BRWD1: variants seen among roughly 807,000 people sequenced by gnomAD.
BRWD1 encodes the protein bromodomain and WD repeat-containing protein 1.
In BRWD1, 82 loss-of-function variants were observed where a neutral mutation model predicts 251.2. That is an observed-to-expected ratio of 0.33 (90% CI 0.27 to 0.39). The LOEUF is 0.39. Ranked by LOEUF, BRWD1 falls within the 10% of genes least tolerant of loss-of-function variation. The probability of loss-of-function intolerance (pLI) is 1.00; values close to 1 mark genes in which losing one functional copy is unlikely to be tolerated. For missense variants in BRWD1, 2,233 were observed against 2,711.6 expected (o/e 0.82, Z 3.92); for synonymous variants, 918 against 902.8 (o/e 1.02, Z -0.30).
intron 13 of BRWD1, among the ~76,000 whole-genome samples, chr21:39,271,170 T>C (rs890872062): frequency 6.6e-6 from 1 of 151,988 alleles, no homozygotes; most frequent in African/African-American, 2.4e-5. Flanking sequence ...CACACACCTG[T>C]ATTCCCAGCT....
intron 38 of BRWD1, among the ~76,000 whole-genome samples, chr21:39,201,564 A>C (rs1403004678): frequency 2.0e-5 from 3 of 152,174 alleles, no homozygotes; most frequent in African/African-American, 7.2e-5. Context: ...GCATTTTCTC[A>C]TAGTTGCTAC....
chr21:39,304,553 G>A (rs2036224317), intron 4 of BRWD1, among the ~76,000 whole-genome samples: 1 of 152,012 alleles, frequency 6.6e-6, no homozygotes, highest in African/African-American at 2.4e-5. Context: ...GGTCAAAGCT[G>A]CAGTGTGCCA....
intron 19 of BRWD1, among the ~76,000 whole-genome samples, chr21:39,251,436 TC>T (rs1418308185): frequency 4.6e-5 from 7 of 152,134 alleles, no homozygotes; most frequent in African/African-American, 1.7e-4. Flanking sequence ...AGACTGACTG[TC>T]CCTTTTCTCC....
chr21:39,312,948 G>GTC, intron 3 of BRWD1, 48 bp from the exon 4 acceptor site: 5 of 326,296 alleles, frequency 1.5e-5, no homozygotes, highest in Non-Finnish European at 1.9e-5. Flanking sequence ...CCGGCGCGGG[G>GTC]GGGGCGGGGG....
At position 39,188,329 on chromosome 21, in the gene BRWD1, C is replaced by T; in HGVS notation, c.*7930G>A. The T allele has an allele frequency of 1.0e-6, 1 of 985,306 alleles. No homozygotes were observed. Among genetic ancestry groups the T allele is most frequent in the Non-Finnish European group, 1.2e-6 (1 of 829,892 alleles). The allele number at this position is 985,306 out of a possible 1,614,324, so 61.0% of individuals were successfully genotyped here. Reference sequence around the variant, plus strand: ...TTTTGTAGGACCCTGCCTGAAGTTTCCAGACATTTAGCATTCAAAAGGTAA... The same window carrying T: ...TTTTGTAGGACCCTGCCTGAAGTTTTCAGACATTTAGCATTCAAAAGGTAA... On this transcript the variant is annotated 3_prime_UTR_variant, in exon 41 of 41. Coordinates refer to ENST00000342449, the MANE Select transcript of BRWD1 (RefSeq NM_033656.4).
At chr21:39,307,276 T>C (rs1228994185) in intron 4 of BRWD1, among the ~76,000 whole-genome samples, 1 of 152,198 alleles carries the variant, frequency 6.6e-6, no homozygotes, top group African/African-American at 2.4e-5. Flanking sequence ...AGGGTTAACT[T>C]AGACAAACCT....
chr21:39,184,245 G>C (rs1383229112), downstream of BRWD1: 1 of 152,218 alleles, frequency 6.6e-6, no homozygotes, highest in Non-Finnish European at 1.5e-5. Context: ...TGATTGTCAA[G>C]GCGATTTAAA....
At position 39,196,428 on chromosome 21, in the gene BRWD1, C is replaced by T. The variant is rs2031816875; in HGVS notation, c.6641G>A (p.Ser2214Asn). The T allele has an allele frequency of 6.2e-7, 1 of 1,613,786 alleles. No individual in the cohort carries two copies. Among genetic ancestry groups the T allele is most frequent in the Non-Finnish European group, 8.5e-7 (1 of 1,179,766 alleles). ...ATCCTCCCAGTCATTATCATCCACACTTAACCTAGGGCGTTTGCTTTGTCT... is the reference window on the plus strand; with the variant it reads ...ATCCTCCCAGTCATTATCATCCACATTTAACCTAGGGCGTTTGCTTTGTCT... ...RQRQSKRPRLSVDDNDWEDLD... is the reference protein window; with the variant it reads ...RQRQSKRPRLNVDDNDWEDLD... The change falls in exon 41 of 41, where the codon AGT becomes AAT. Residue 2214 changes from serine to asparagine, a missense_variant. Coordinates refer to ENST00000342449, the MANE Select transcript of BRWD1 (RefSeq NM_033656.4).
chr21:39,240,270 G>T (rs750407097), intron 21 of BRWD1, among the ~76,000 whole-genome samples: 14 of 152,148 alleles, frequency 9.2e-5, no homozygotes, highest in Non-Finnish European at 1.8e-4. Context: ...GAGCACAGAG[G>T]ATTTTTAGGG....
chr21:39,311,443 C>T (rs567664149), intron 4 of BRWD1, among the ~76,000 whole-genome samples: 4 of 152,322 alleles, frequency 2.6e-5, no homozygotes, highest in Admixed American at 2.6e-4. Context: ...CCATGAGCCA[C>T]TGCACCCAGC....
chr21:39,249,184 G>A lies in BRWD1; in HGVS notation c.2350-1352C>T, dbSNP rs80261352. On this transcript the variant is annotated intron_variant, in intron 20 of 40. Transcript: ENST00000342449. ...GCATTGAGTACAGAAGGGAACAACAGACATCAGAACCTACCTGAGGGCACA... is the reference window on the plus strand; with the variant it reads ...GCATTGAGTACAGAAGGGAACAACAAACATCAGAACCTACCTGAGGGCACA... Among the ~76,000 whole-genome samples, 1,331 of 152,270 alleles carry A rather than the reference G, an allele frequency of 8.7e-3. 10 individuals carry two copies. The highest frequency in any genetic ancestry group is 0.015 in the Non-Finnish European group (996 of 68,014).
At chr21:39,238,783 C>T (rs1409187365) in intron 21 of BRWD1, among the ~76,000 whole-genome samples, 4 of 152,112 alleles carry the variant, frequency 2.6e-5, no homozygotes, top group Admixed American at 2.0e-4. Flanking sequence ...AGAGAACATC[C>T]GTAAGATTTA....
chr21:39,206,051 G>A, intron 37 of BRWD1, 57 bp downstream of exon 37: 1 of 1,522,568 alleles, frequency 6.6e-7, no homozygotes, highest in South Asian at 1.2e-5. Flanking sequence ...GTGACACAGT[G>A]AGACTCTCTC....
chr21:39,314,716 TACTC>T, upstream of BRWD1: 1 of 251,912 alleles, frequency 4.0e-6, no homozygotes, highest in Admixed American at 5.1e-5. Context: ...TTCTGATTCT[TACTC>T]ATGGCAATAA....
intron 38 of BRWD1, 32 bp from the exon 39 acceptor site, chr21:39,200,418 T>G (rs867672752): frequency 1.3e-6 from 2 of 1,580,508 alleles, no homozygotes; most frequent in South Asian, 2.3e-5. Flanking sequence ...TAGTTACATA[T>G]ATTCTCCTGT....
intron 17 of BRWD1, 79 bp from the exon 18 acceptor site, chr21:39,258,751 T>C: frequency 1.0e-6 from 1 of 964,250 alleles, no homozygotes; most frequent in South Asian, 2.4e-5. Flanking sequence ...CAAATTAAAA[T>C]ACATTAACAA....
rs1168534638 is a variant in BRWD1, at chr21:39,307,133, T to A, written c.198+5708A>T. Among the ~76,000 whole-genome samples the A allele has an allele frequency of 2.6e-5, 4 of 152,216 alleles. No homozygotes were observed. In the East Asian group the frequency reaches 7.7e-4, roughly 29 times the overall value. On this transcript the variant is annotated intron_variant, in intron 4 of 40. Coordinates refer to ENST00000342449, the MANE Select transcript of BRWD1 (RefSeq NM_033656.4). ...CCTCCTAAAGTGCTGGGATGACAGG[T>A]GTGAGCCACTGAGCCTGGTTATAAT...
rs1367609740 is a variant in BRWD1 at position 39,240,190 on chromosome 21, A to C, written c.2482-1617T>G. ...GATTCCAATTACATGGCATTCTACA[A>C]AGATAAAACTATGAAGACAAAAAAT... On this transcript the variant is annotated intron_variant, in intron 21 of 40. Coordinates refer to ENST00000342449, the MANE Select transcript of BRWD1 (RefSeq NM_033656.4). Among the ~76,000 whole-genome samples, 3 of 152,242 alleles carry C rather than the reference A, an allele frequency of 2.0e-5. No individual in the cohort carries two copies. The South Asian group carries it at 6.2e-4, about 32-fold the overall frequency.
At chr21:39,316,366 C>T (rs540618448), upstream of BRWD1, among the ~76,000 whole-genome samples, 5 of 152,234 alleles carry the variant, frequency 3.3e-5, no homozygotes, top group South Asian at 4.1e-4. Context: ...TAACTGCTTG[C>T]AACAACTTGA....
Sources: gnomAD v4.1 joint callset for allele counts (sites outside exome capture counted in the v4.1 genomes callset) on GRCh38, gnomAD v4.1.1 for gene constraint, MANE v1.5 for transcripts, NCBI Gene and HGNC (gene_info 2026-07-23, HGNC 2026-07-21) for gene names.